The following DPY19L1 variants were observed in gnomAD, a reference collection of about 807,000 sequenced individuals.
DPY19L1 encodes the protein protein C-mannosyl-transferase DPY19L1.
A neutral mutation model predicts 96.9 loss-of-function variants in DPY19L1; 35 were observed. That is an observed-to-expected ratio of 0.36 (90% CI 0.28 to 0.48). The LOEUF is 0.48. Ranked by LOEUF, DPY19L1 falls within the 20% of genes least tolerant of loss-of-function variation. The probability of loss-of-function intolerance (pLI) is 0.99; values close to 1 mark genes in which losing one functional copy is unlikely to be tolerated. For missense variants in DPY19L1, 521 were observed against 777.9 expected (o/e 0.67, Z 3.93); for synonymous variants, 205 against 252.6 (o/e 0.81, Z 1.79).
chr7:35,014,051 T>C (rs1785778790), intron 3 of DPY19L1, among the ~76,000 whole-genome samples: 3 of 152,166 alleles, frequency 2.0e-5, no homozygotes, highest in Non-Finnish European at 4.4e-5. Context: ...TGGTTTATTA[T>C]GGAACTAAAA....
chr7:34,984,260 T>C (rs1478782180), intron 7 of DPY19L1, among the ~76,000 whole-genome samples: 1 of 152,102 alleles, frequency 6.6e-6, no homozygotes, highest in Admixed American at 6.5e-5. Context: ...AAGAACACCA[T>C]TGAGATGCAA....
At chr7:34,933,523 T>C (rs1039550794) in intron 21 of DPY19L1, among the ~76,000 whole-genome samples, 1 of 152,218 alleles carries the variant, frequency 6.6e-6, no homozygotes, top group African/African-American at 2.4e-5. Context: ...TCTGGGTGTG[T>C]CTGTGAGGGT....
intron 1 of DPY19L1, among the ~76,000 whole-genome samples, chr7:35,035,548 A>G (rs555904388): frequency 2.6e-5 from 4 of 152,378 alleles, no homozygotes; most frequent in South Asian, 2.1e-4. Context: ...TAGTCATTCA[A>G]TAAAAATGCA....
At chr7:34,958,969 A>G (rs1196183269) in intron 10 of DPY19L1, among the ~76,000 whole-genome samples, 1 of 152,160 alleles carries the variant, frequency 6.6e-6, no homozygotes, top group Non-Finnish European at 1.5e-5. Flanking sequence ...TTCATATATT[A>G]CAGAACATAG....
chr7:34,952,988 C>T (rs191702593), intron 13 of DPY19L1, among the ~76,000 whole-genome samples: 3 of 152,158 alleles, frequency 2.0e-5, no homozygotes, highest in African/African-American at 7.2e-5. Flanking sequence ...CCATCTCCCC[C>T]ATACTGTTAG....
At chr7:34,952,139 A>AAC (rs1451753266) in intron 13 of DPY19L1, among the ~76,000 whole-genome samples, 2 of 151,184 alleles carry the variant, frequency 1.3e-5, no homozygotes, top group African/African-American at 4.8e-5. Context: ...CAAAAAAAAA[A>AAC]CCCACAACAG....
chr7:34,974,127 A>G (rs1466982374), intron 7 of DPY19L1, among the ~76,000 whole-genome samples: 5 of 152,170 alleles, frequency 3.3e-5, no homozygotes, highest in Admixed American at 6.6e-5. Context: ...AAAAGTAGGC[A>G]GTGTAATCAA....
At chr7:34,970,753 G>C (rs552741488) in intron 8 of DPY19L1, among the ~76,000 whole-genome samples, 1 of 151,630 alleles carries the variant, frequency 6.6e-6, no homozygotes, top group Admixed American at 6.6e-5. Context: ...TGGGGAGATA[G>C]GAGTGAACAG....
At chr7:35,008,145 C>T (rs1470070167) in intron 6 of DPY19L1, among the ~76,000 whole-genome samples, 1 of 152,096 alleles carries the variant, frequency 6.6e-6, no homozygotes. Context: ...CAAGGTCACA[C>T]TAAAGTAGCC....
intron 6 of DPY19L1, among the ~76,000 whole-genome samples, chr7:34,994,040 T>G (rs1785230947): frequency 6.6e-6 from 1 of 152,186 alleles, no homozygotes; most frequent in African/African-American, 2.4e-5. Flanking sequence ...CACTCCAGCC[T>G]GGGTGACAGT....
intron 11 of DPY19L1, among the ~76,000 whole-genome samples, chr7:34,957,588 AAAAAACAAAACAAG>A (rs147952409): frequency 0.26 from 39,969 of 151,934 alleles, 5,475 homozygotes; most frequent in Non-Finnish European, 0.31. Flanking sequence ...GACAAGGGGC[AAAAAACAAAACAAG>A]AAAAACAAAA....
chr7:34,963,907 T>C (rs1252394230), intron 10 of DPY19L1, among the ~76,000 whole-genome samples: 1 of 152,064 alleles, frequency 6.6e-6, no homozygotes, highest in Non-Finnish European at 1.5e-5. Flanking sequence ...AGACAGAAAG[T>C]AGAATGGTGG....
chr7:34,983,079 T>C (rs1030113031), intron 7 of DPY19L1, among the ~76,000 whole-genome samples: 12 of 152,214 alleles, frequency 7.9e-5, no homozygotes, highest in African/African-American at 2.9e-4. Context: ...AAATTAAAAC[T>C]ATACTACTGC....
In DPY19L1 at chr7:35,037,040, G is replaced by C. The variant is rs988010874; in HGVS notation, c.298+57C>G. ...AGGAAGGGGAGGGGAGGGGAGGGGA[G>C]GGGGCCAGCGCCTCAAAGTTCCGCG... On this transcript the variant is annotated intron_variant, in intron 1 of 21. Coordinates refer to ENST00000638088, the MANE Select transcript of DPY19L1 (RefSeq NM_001366673.1). 70 of 171,208 alleles carry C rather than the reference G, an allele frequency of 4.1e-4. 2 individuals are homozygous for C. The highest frequency in any genetic ancestry group is 1.2e-5 in the Non-Finnish European group (1 of 83,164). The allele number at this position is 171,208 out of a possible 1,614,324, so 10.6% of individuals were successfully genotyped here.
chr7:34,947,201 A>C (rs118005848), intron 15 of DPY19L1, among the ~76,000 whole-genome samples: 1 of 152,212 alleles, frequency 6.6e-6, no homozygotes. Flanking sequence ...TCATCAACAC[A>C]TTGCAAATAC....
intron 8 of DPY19L1, among the ~76,000 whole-genome samples, chr7:34,969,886 A>G (rs1784688799): frequency 6.6e-6 from 1 of 152,260 alleles, no homozygotes; most frequent in Non-Finnish European, 1.5e-5. Context: ...AGATGATAGC[A>G]GCATATTCTA....
intron 21 of DPY19L1, among the ~76,000 whole-genome samples, chr7:34,932,055 T>C (rs1035200694): frequency 6.6e-6 from 1 of 152,194 alleles, no homozygotes; most frequent in African/African-American, 2.4e-5. Context: ...CTTCCCTTGG[T>C]CTTAGTTTTC....
rs567849541 is a variant in DPY19L1 at position 34,935,294 on chromosome 7, G to A, written c.2090+2700C>T. ...TGTTTGCCTTGTGCAACACTATTTAGTCCTCATCTGAGTTTCCCAAGGTTT... is the reference window on the plus strand; with the variant it reads ...TGTTTGCCTTGTGCAACACTATTTAATCCTCATCTGAGTTTCCCAAGGTTT... On this transcript the variant is annotated intron_variant, in intron 21 of 21. Coordinates refer to ENST00000638088, the MANE Select transcript of DPY19L1 (RefSeq NM_001366673.1). Among the ~76,000 whole-genome samples, 16 of 152,084 alleles carry A rather than the reference G, an allele frequency of 1.1e-4. No homozygotes were observed. In the South Asian group the frequency reaches 2.7e-3, roughly 26 times the overall value.
upstream of DPY19L1, chr7:35,037,958 G>T: frequency 8.4e-7 from 1 of 1,194,980 alleles, no homozygotes. Context: ...TTCAAGTTTC[G>T]GAGCCTGTTA....
Sources: gnomAD v4.1 joint callset for allele counts (sites outside exome capture counted in the v4.1 genomes callset) on GRCh38, gnomAD v4.1.1 for gene constraint, MANE v1.5 for transcripts, NCBI Gene and HGNC (gene_info 2026-07-23, HGNC 2026-07-21) for gene names.